The following UBAC2 variants were observed in gnomAD, a reference collection of about 807,000 sequenced individuals.
The protein encoded by UBAC2 is UBA domain containing 2.
A neutral mutation model predicts 44.0 loss-of-function variants in UBAC2; 26 were observed. The ratio of observed to expected loss-of-function variants is 0.59; its 90% CI spans 0.43 to 0.82. The LOEUF (loss-of-function observed/expected upper bound fraction) is 0.82. Ranked by LOEUF, UBAC2 falls within the 40% of genes least tolerant of loss-of-function variation. The pLI, the probability that UBAC2 is intolerant of heterozygous loss-of-function variation, is 0.00. For synonymous variants in UBAC2, 155 were observed against 154.3 expected, an observed-to-expected ratio of 1.00 and a Z score of -0.04; for missense variants, 329 against 419.4, an observed-to-expected ratio of 0.78 and a Z score of 1.88.
At chr13:99,245,653 C>A (rs1410478160) in intron 4 of UBAC2, among the ~76,000 whole-genome samples, 2 of 152,196 alleles carry the variant, frequency 1.3e-5, no homozygotes, top group African/African-American at 2.4e-5. Context: ...CCAGCCTGGT[C>A]AATATGGTGA....
At chr13:99,338,215 G>A (rs1204749770) in intron 6 of UBAC2, among the ~76,000 whole-genome samples, 1 of 151,476 alleles carries the variant, frequency 6.6e-6, no homozygotes, top group Non-Finnish European at 1.5e-5. Flanking sequence ...GTGCCACCAC[G>A]CCCGGCTAAT....
At chr13:99,373,041 A>T (rs998449842) in intron 8 of UBAC2, among the ~76,000 whole-genome samples, 18 of 152,256 alleles carry the variant, frequency 1.2e-4, no homozygotes, top group African/African-American at 3.6e-4. Flanking sequence ...GAATGGTGTG[A>T]ACCCGAGAGG....
chr13:99,242,803 T>G (rs1401509260), intron 2 of UBAC2, among the ~76,000 whole-genome samples: 4 of 119,990 alleles, frequency 3.3e-5, no homozygotes, highest in African/African-American at 6.5e-5. Flanking sequence ...ACGGGGTGGC[T>G]GCCGGGCGGA....
chr13:99,329,545 G>C (rs1366392446), intron 6 of UBAC2, among the ~76,000 whole-genome samples: 2 of 152,188 alleles, frequency 1.3e-5, no homozygotes, highest in African/African-American at 4.8e-5. Flanking sequence ...CCCAAGAGCA[G>C]ATCATAAAAG....
rs768815068 is a variant in UBAC2, at chr13:99,200,856, A to G, written c.-53A>G. On this transcript the variant is annotated 5_prime_UTR_variant, in exon 1 of 9. Coordinates refer to ENST00000403766, the MANE Select transcript of UBAC2 (RefSeq NM_001144072.2). ...CGCCTGCGCGGTCGCTGGGGCTCGC[A>G]CTTCAGCTTCCCCTCCCCCGGCGCC... is the stretch of plus-strand genomic sequence containing the variant. 7.9e-7 allele frequency: 1 copy of G among 1,261,076 alleles called. No individual in the cohort carries two copies. The highest frequency in any genetic ancestry group is 1.0e-6 in the Non-Finnish European group (1 of 987,228). 78.1% of individuals were successfully genotyped at this position (1,261,076 alleles called of 1,614,324 possible). A position where few individuals can be genotyped will look rare whatever the true frequency, so the allele number is the denominator to read the frequency against.
rs185095069 is a variant in UBAC2, at chr13:99,307,617, A to G, written c.390-6480A>G. 8.5e-5 allele frequency among the ~76,000 whole-genome samples: 13 copies of G among 152,198 alleles called. No individual in the cohort carries two copies. The East Asian group carries it at 2.5e-3, about 29-fold the overall frequency. ...TCCAAAAGCCCCTTGGAATTTATGA[A>G]TTGTTGATATCTGTGGAACTTTATA... On this transcript the variant is annotated intron_variant, in intron 4 of 8. Coordinates refer to ENST00000403766, the MANE Select transcript of UBAC2 (RefSeq NM_001144072.2).
chr13:99,368,789 CA>C (rs1217304376), intron 8 of UBAC2, among the ~76,000 whole-genome samples: 1 of 151,842 alleles, frequency 6.6e-6, no homozygotes, highest in Non-Finnish European at 1.5e-5. Flanking sequence ...GCAGTGGGCT[CA>C]CCTACTGCCC....
At chr13:99,356,457 T>G (rs1371733928) in intron 7 of UBAC2, among the ~76,000 whole-genome samples, 1 of 152,244 alleles carries the variant, frequency 6.6e-6, no homozygotes, top group East Asian at 1.9e-4. Flanking sequence ...TGTCTCCTGA[T>G]CGTATTGCCA....
intron 6 of UBAC2, among the ~76,000 whole-genome samples, chr13:99,334,114 T>C (rs1206131882): frequency 6.6e-6 from 1 of 152,068 alleles, no homozygotes; most frequent in African/African-American, 2.4e-5. Context: ...GCCCAGCTAA[T>C]TCTTTTTATT....
rs777173201 is a variant in UBAC2, at chr13:99,318,082, A to G, written c.561+13A>G. 3.7e-6 allele frequency: 6 copies of G among 1,604,626 alleles called. No individual in the cohort carries two copies. Among genetic ancestry groups the G allele is most frequent in the Non-Finnish European group, 5.1e-6 (6 of 1,172,686 alleles). On this transcript the variant is annotated intron_variant, in intron 6 of 8. Coordinates refer to ENST00000403766, the MANE Select transcript of UBAC2 (RefSeq NM_001144072.2). ...CATAAGTGGACTTGTAAGTGTGACTACCCTTTTACACCCAATTCTCTCTCT... is the reference window on the plus strand; with the variant it reads ...CATAAGTGGACTTGTAAGTGTGACTGCCCTTTTACACCCAATTCTCTCTCT...
At chr13:99,268,560 A>G (rs1807161744) in intron 4 of UBAC2, among the ~76,000 whole-genome samples, 1 of 134,324 alleles carries the variant, frequency 7.4e-6, no homozygotes, top group East Asian at 2.4e-4. Context: ...GTGAGCCATG[A>G]TCCTGTCACT....
chr13:99,363,363 A>C (rs914912047), intron 7 of UBAC2, among the ~76,000 whole-genome samples: 73 of 152,250 alleles, frequency 4.8e-4, no homozygotes, highest in African/African-American at 1.7e-3. Flanking sequence ...ACACATGTGC[A>C]TACTTTTGAA....
chr13:99,254,976 A>T, intron 4 of UBAC2: 1 of 1,614,110 alleles, frequency 6.2e-7, no homozygotes, highest in Non-Finnish European at 8.5e-7. Flanking sequence ...ATAGCATGAC[A>T]CTAATGACTC....
chr13:99,345,966 C>T (rs2044973186), intron 7 of UBAC2, among the ~76,000 whole-genome samples: 1 of 152,146 alleles, frequency 6.6e-6, no homozygotes, highest in African/African-American at 2.4e-5. Context: ...TGGTCTTGAA[C>T]CCCTGACCTC....
chr13:99,351,160 C>G (rs2045081342), intron 7 of UBAC2, among the ~76,000 whole-genome samples: 1 of 152,124 alleles, frequency 6.6e-6, no homozygotes, highest in Non-Finnish European at 1.5e-5. Flanking sequence ...AAAAATTATA[C>G]AAAATTACCT....
At chr13:99,296,167 GA>G (rs35773388) in intron 4 of UBAC2, 2 of 1,539,714 alleles carry the variant, frequency 1.3e-6, no homozygotes, top group East Asian at 2.3e-5. Context: ...CAGGTGTCTA[GA>G]AAAAAACCAA....
chr13:99,234,967 C>T (rs1483179116), intron 1 of UBAC2, among the ~76,000 whole-genome samples: 1 of 152,162 alleles, frequency 6.6e-6, no homozygotes, highest in Admixed American at 6.5e-5. Context: ...AGAGAGAAGA[C>T]ATTTATAGTT....
chr13:99,272,883 G>A (rs1486499944), intron 4 of UBAC2, among the ~76,000 whole-genome samples: 1 of 152,112 alleles, frequency 6.6e-6, no homozygotes, highest in African/African-American at 2.4e-5. Context: ...TACATTGTGA[G>A]TCTGTGTGTG....
chr13:99,383,315 A>G (rs548300431), intron 8 of UBAC2, among the ~76,000 whole-genome samples: 5 of 151,920 alleles, frequency 3.3e-5, no homozygotes, highest in Admixed American at 2.6e-4. Flanking sequence ...GACAGTACAT[A>G]TCTCTGTTAA....
Sources: allele counts gnomAD v4.1 joint callset (sites outside exome capture counted in the v4.1 genomes callset), GRCh38; gene constraint gnomAD v4.1.1; transcripts MANE v1.5; gene names NCBI Gene and HGNC (gene_info 2026-07-23, HGNC 2026-07-21).